Variants in PTOV1 observed in about 807,000 individuals in gnomAD.
The protein encoded by PTOV1 is PTOV1 extended AT-hook containing adaptor protein, also known as prostate tumor-overexpressed gene 1 protein.
PTOV1 carries 20 observed loss-of-function variants against 58.0 expected under a neutral mutation model. The observed-to-expected ratio is 0.34, with a 90% CI of 0.24 to 0.50. The LOEUF (loss-of-function observed/expected upper bound fraction) is 0.50. Among genes scored for constraint, PTOV1 ranks in the 20% least tolerant of loss-of-function variants. PTOV1 has a pLI of 0.98. For synonymous variants in PTOV1, 335 were observed against 234.2 expected (o/e 1.43, Z -3.93); for missense variants, 593 against 565.4 (o/e 1.05, Z -0.50).
chr19:49,856,924 C>G, intron 5 of PTOV1, 51 bp from the exon 6 acceptor site: 2 of 1,603,420 alleles, frequency 1.2e-6, no homozygotes, highest in Non-Finnish European at 1.7e-6. Context: ...GTGGTGGGGG[C>G]ACAGTGGCCC....
chr19:49,858,421 A>AC, intron 9 of PTOV1, 128 bp from the exon 10 acceptor site: 1 of 753,778 alleles, frequency 1.3e-6, no homozygotes, highest in Non-Finnish European at 2.2e-6. Flanking sequence ...GGTGGAGATG[A>AC]CGTTTCCTGA....
exon 1 of PTOV1, chr19:49,851,212 C>A (rs1395258010): frequency 8.6e-7 from 1 of 1,168,856 alleles, no homozygotes; most frequent in Non-Finnish European, 1.1e-6. Flanking sequence ...GAGCTTGGTA[C>A]GGCTCAGCCC....
At chr19:49,855,158 G>C (rs1009753075) in intron 5 of PTOV1, 81 bp downstream of exon 5, 1 of 1,355,538 alleles carries the variant, frequency 7.4e-7, no homozygotes, top group South Asian at 1.3e-5. Context: ...GTCCAGGCGG[G>C]GGTCGGGGGG....
At chr19:49,858,716 A>G (rs2074596778) in intron 10 of PTOV1, 63 bp downstream of exon 10, 1 of 1,336,614 alleles carries the variant, frequency 7.5e-7, no homozygotes, top group Admixed American at 2.0e-5. Flanking sequence ...CGGACCGCTC[A>G]CGGGGGCGGA....
chr19:49,859,844 C>T (rs868370235), intron 10 of PTOV1, 142 bp from the exon 11 acceptor site: 5 of 869,820 alleles, frequency 5.7e-6, no homozygotes, highest in Non-Finnish European at 9.1e-6. Flanking sequence ...ATAAGGGGGC[C>T]CACCTCCAGG....
intron 10 of PTOV1, 102 bp downstream of exon 10, chr19:49,858,755 C>A: frequency 1.0e-6 from 1 of 1,003,832 alleles, no homozygotes; most frequent in Non-Finnish European, 1.5e-6. Flanking sequence ...CACCATGTCC[C>A]AGACCAGCTG....
In PTOV1 at chr19:49,858,037, C is replaced by T. The variant is rs202196523; in HGVS notation, c.879-20C>T. 7.7e-5 allele frequency: 124 copies of T among 1,613,884 alleles called. No individual in the cohort carries two copies. In the East Asian group the frequency reaches 1.4e-3, roughly 18 times the overall value. On this transcript the variant is annotated intron_variant, in intron 8 of 11. Coordinates refer to ENST00000391842, the Ensembl canonical transcript of PTOV1. ...AGGGGAGCTGGGGCTTCCTGACCCT[C>T]GTCCCTTTGTGCCCCACAGGAGGAC...
intron 1 of PTOV1, chr19:49,852,020 T>C (rs577865755): frequency 6.6e-4 from 653 of 985,496 alleles, no homozygotes; most frequent in Non-Finnish European, 7.5e-4. Flanking sequence ...GATGCTTTGA[T>C]GGACTGCCGT....
At chr19:49,857,418 C>G in intron 6 of PTOV1, 1 of 605,304 alleles carries the variant, frequency 1.7e-6, no homozygotes, top group Non-Finnish European at 2.9e-6. Context: ...AAGGCCCTGC[C>G]TGGTAACCAC....
At chr19:49,850,878 C>T (rs2074212223), upstream of PTOV1, 2 of 1,535,802 alleles carry the variant, frequency 1.3e-6, no homozygotes, top group South Asian at 1.2e-5. Context: ...CCCAGGGCTC[C>T]GGATGAGGTC....
chr19:49,857,040 G>C, exon 6 of PTOV1: 1 of 1,614,086 alleles, frequency 6.2e-7, no homozygotes, highest in South Asian at 1.1e-5. Context: ...TCCTGTACTC[G>C]TCCAAGAAGA....
At chr19:49,857,123 G>C (rs373434144) in exon 6 of PTOV1, 10 of 1,613,890 alleles carry the variant, frequency 6.2e-6, no homozygotes, top group Non-Finnish European at 6.8e-6. Context: ...ATCACCACCC[G>C]CAAGCAGGTG....
chr19:49,853,189 C>T (rs1289767500), intron 1 of PTOV1: 1 of 152,214 alleles, frequency 6.6e-6, no homozygotes, highest in East Asian at 1.9e-4. Flanking sequence ...CCTTGTGCTT[C>T]ATAGAAAATT....
At chr19:49,860,605 T>C in exon 12 of PTOV1, 1 of 511,748 alleles carries the variant, frequency 2.0e-6, no homozygotes, top group Non-Finnish European at 3.5e-6. Context: ...ACTGCACCCC[T>C]GCCCCCAGGT....
intron 6 of PTOV1, 35 bp downstream of exon 6, chr19:49,857,165 A>AG: frequency 6.2e-7 from 1 of 1,609,716 alleles, no homozygotes; most frequent in Non-Finnish European, 8.5e-7. Context: ...CTGGGGACAG[A>AG]GGGGGATTAG....
chr19:49,856,942 T>C (rs779862860), intron 5 of PTOV1, 33 bp from the exon 6 acceptor site: 1 of 1,609,890 alleles, frequency 6.2e-7, no homozygotes, highest in Non-Finnish European at 8.5e-7. Flanking sequence ...CCCCGGGCAG[T>C]GACCACAGGG....
At chr19:49,851,012 G>T, upstream of PTOV1, 1 of 1,532,508 alleles carries the variant, frequency 6.5e-7, no homozygotes. Flanking sequence ...CGTCTTCCCA[G>T]GACTCCCCCG....
intron 1 of PTOV1, among the ~76,000 whole-genome samples, chr19:49,853,486 T>C (rs2074335543): frequency 7.9e-6 from 1 of 126,336 alleles, no homozygotes; most frequent in African/African-American, 3.1e-5. Context: ...TGAAACCCCA[T>C]CTCTACTAAA....
rs778438436 is a variant in PTOV1 at position 49,854,642 on chromosome 19, GC to G, written c.310-5del. The G allele has an allele frequency of 1.9e-6, 3 of 1,613,232 alleles. No homozygotes were observed. On this transcript the variant is annotated splice_polypyrimidine_tract_variant and intron_variant, in intron 2 of 11. Transcript: ENST00000391842. ...GGCTGTGCACAGTGACGCCCCTCCTGCCCCCACAGAAGCGCAGACCCTACTC... is the reference window on the plus strand; with the variant it reads ...GGCTGTGCACAGTGACGCCCCTCCTGCCCCACAGAAGCGCAGACCCTACTC...
Sources: allele counts gnomAD v4.1 joint callset (sites outside exome capture counted in the v4.1 genomes callset), GRCh38; gene constraint gnomAD v4.1.1; transcripts MANE v1.5; gene names NCBI Gene and HGNC (gene_info 2026-07-23, HGNC 2026-07-21).